Variants in SEMA3A observed in about 807,000 individuals in gnomAD.
SEMA3A encodes the protein semaphorin 3A, also known as semaphorin-3A.
Under a neutral mutation model 97.9 loss-of-function variants are expected in SEMA3A, and 29 were observed. The ratio of observed to expected loss-of-function variants is 0.30; its 90% CI spans 0.22 to 0.40. SEMA3A has a LOEUF of 0.40. Ranked by LOEUF, SEMA3A falls within the 10% of genes least tolerant of loss-of-function variation. SEMA3A has a pLI of 1.00. For synonymous variants in SEMA3A, 321 were observed against 323.7 expected (o/e 0.99, Z 0.09); for missense variants, 763 against 951.3 (o/e 0.80, Z 2.60).
intron 15 of SEMA3A, among the ~76,000 whole-genome samples, chr7:83,971,506 A>G (rs554566272): frequency 6.6e-6 from 1 of 151,948 alleles, no homozygotes; most frequent in South Asian, 2.1e-4. Flanking sequence ...TACAGTATAT[A>G]CTGAAGTATA....
At chr7:84,029,067 T>C (rs991775759) in intron 6 of SEMA3A, among the ~76,000 whole-genome samples, 5 of 152,236 alleles carry the variant, frequency 3.3e-5, no homozygotes, top group Admixed American at 2.6e-4. Flanking sequence ...AGGAATATAG[T>C]GCTGAGCACA....
intron 2 of SEMA3A, among the ~76,000 whole-genome samples, chr7:84,317,561 G>A (rs1283841160): frequency 2.0e-5 from 3 of 151,772 alleles, no homozygotes; most frequent in Non-Finnish European, 2.9e-5. Context: ...CTATTTCTCA[G>A]CTTAAAATAT....
chr7:84,070,618 G>A (rs1793705131), intron 4 of SEMA3A, among the ~76,000 whole-genome samples: 1 of 152,076 alleles, frequency 6.6e-6, no homozygotes, highest in Non-Finnish European at 1.5e-5. Flanking sequence ...TAGTTGGACG[G>A]TATTGAAAGA....
intron 3 of SEMA3A, among the ~76,000 whole-genome samples, chr7:84,216,782 C>T (rs1798764640): frequency 6.6e-6 from 1 of 152,020 alleles, no homozygotes; most frequent in East Asian, 1.9e-4. Flanking sequence ...AAATTAGATA[C>T]TAGATCTAAA....
intron 2 of SEMA3A, among the ~76,000 whole-genome samples, chr7:84,334,267 A>C (rs1332591689): frequency 6.6e-6 from 1 of 152,020 alleles, no homozygotes; most frequent in Admixed American, 6.6e-5. Context: ...AATAAATTTT[A>C]TGTAATGAAG....
chr7:84,360,434 C>T (rs1035728934), intron 2 of SEMA3A, among the ~76,000 whole-genome samples: 7 of 152,022 alleles, frequency 4.6e-5, no homozygotes, highest in African/African-American at 1.7e-4. Context: ...TGTTTAGTTT[C>T]CGTGTAGTTG....
At chr7:84,386,978 G>C (rs1803414048) in intron 1 of SEMA3A, among the ~76,000 whole-genome samples, 1 of 151,092 alleles carries the variant, frequency 6.6e-6, no homozygotes, top group Non-Finnish European at 1.5e-5. Flanking sequence ...CCAGCCTGGG[G>C]GACAGAGCAA....
At chr7:84,195,883 T>G (rs1265029292), upstream of SEMA3A, among the ~76,000 whole-genome samples, 1 of 152,038 alleles carries the variant, frequency 6.6e-6, no homozygotes, top group Non-Finnish European at 1.5e-5. Context: ...TGCTGAAGGG[T>G]TACTAAATTT....
intron 1 of SEMA3A, among the ~76,000 whole-genome samples, chr7:84,146,352 C>T (rs1796462998): frequency 6.6e-6 from 1 of 152,040 alleles, no homozygotes; most frequent in Non-Finnish European, 1.5e-5. Flanking sequence ...CATGACTTCG[C>T]CATTAACAGT....
rs1367316156 is a variant in SEMA3A, at chr7:84,481,616, TTTC to T, written c.-246+10841_-246+10843del. Among the ~76,000 whole-genome samples the T allele has an allele frequency of 1.1e-4, 17 of 152,248 alleles. 1 individual carries two copies. In the South Asian group the frequency reaches 3.5e-3, roughly 32 times the overall value. The stretch of plus-strand genomic sequence containing the variant: ...TTAATTTAAGTAATGCTAAATATGG[TTTC>T]TTATGTTTTTTCTTATTACACATAA... On this transcript the variant is annotated intron_variant, in intron 1 of 3. Transcript: ENST00000424555.
intron 11 of SEMA3A, among the ~76,000 whole-genome samples, chr7:84,002,268 A>AAGAT (rs1790488132): frequency 6.6e-6 from 1 of 152,178 alleles, no homozygotes; most frequent in African/African-American, 2.4e-5. Context: ...GGAATAATAA[A>AAGAT]AGATTGAATT....
intron 13 of SEMA3A, among the ~76,000 whole-genome samples, chr7:83,983,978 C>A (rs1167728125): frequency 6.6e-6 from 1 of 152,116 alleles, no homozygotes; most frequent in Non-Finnish European, 1.5e-5. Context: ...GAAATCAAAT[C>A]ATTTCTTCCA....
At position 83,956,987 on chromosome 7, in the gene SEMA3A, T is replaced by C. The variant is rs1425298842; in HGVS notation, c.*4384A>G. The C allele has an allele frequency of 1.3e-5, 2 of 152,070 alleles. No individual in the cohort carries two copies. Among genetic ancestry groups the C allele is most frequent in the Non-Finnish European group, 2.9e-5 (2 of 68,008 alleles). 9.4% of individuals were successfully genotyped at this position (152,070 alleles called of 1,614,324 possible). ...TGGCAATTGTCATATCGTAACTTGG[T>C]TCTTTTCAACAGTGATTTATTGGGC... On this transcript the variant is annotated 3_prime_UTR_variant, in exon 17 of 17. Transcript: ENST00000265362.
chr7:84,071,434 G>A lies in SEMA3A; in HGVS notation c.454-10876C>T, dbSNP rs543944820. Among the ~76,000 whole-genome samples the A allele has an allele frequency of 2.0e-5, 3 of 152,142 alleles. No individual in the cohort carries two copies. The South Asian group carries it at 6.2e-4, about 32-fold the overall frequency. ...ACTGAAAACATTAGTTTAGTTTTTG[G>A]GTTAATTCTTTTTTAGGCCAGGAGT... On this transcript the variant is annotated intron_variant, in intron 4 of 16. Transcript: ENST00000265362.
intron 2 of SEMA3A, among the ~76,000 whole-genome samples, chr7:84,357,311 GCAT>G (rs1488754235): frequency 6.9e-6 from 1 of 145,572 alleles, no homozygotes; most frequent in Non-Finnish European, 1.5e-5. Context: ...ACAGGCCCTG[GCAT>G]GTGATGTTCC....
intron 6 of SEMA3A, among the ~76,000 whole-genome samples, chr7:84,038,847 C>G (rs1288839691): frequency 6.6e-6 from 1 of 152,048 alleles, no homozygotes; most frequent in Non-Finnish European, 1.5e-5. Flanking sequence ...TTAGCCTTGG[C>G]TATTGTTTAT....
At chr7:84,338,886 G>C (rs560322472) in intron 2 of SEMA3A, among the ~76,000 whole-genome samples, 32 of 152,168 alleles carry the variant, frequency 2.1e-4, no homozygotes, top group Non-Finnish European at 4.3e-4. Flanking sequence ...ATGGGAACAA[G>C]AGAACTGCAT....
At chr7:84,437,139 G>T (rs1805153390) in intron 1 of SEMA3A, among the ~76,000 whole-genome samples, 1 of 152,060 alleles carries the variant, frequency 6.6e-6, no homozygotes, top group African/African-American at 2.4e-5. Flanking sequence ...GCTCTGGATT[G>T]TTGAGGTGAT....
chr7:83,996,895 AC>A (rs770002235), intron 12 of SEMA3A, among the ~76,000 whole-genome samples: 4 of 152,020 alleles, frequency 2.6e-5, no homozygotes, highest in Admixed American at 6.6e-5. Flanking sequence ...TAAAAATTTT[AC>A]TCTAAAATGA....
Sources: gnomAD v4.1 joint callset for allele counts (sites outside exome capture counted in the v4.1 genomes callset) on GRCh38, gnomAD v4.1.1 for gene constraint, MANE v1.5 for transcripts, NCBI Gene and HGNC (gene_info 2026-07-23, HGNC 2026-07-21) for gene names.